The following DENND1A variants were observed in gnomAD, a reference collection of about 807,000 sequenced individuals.
DENND1A encodes the protein DENN domain-containing protein 1A.
In DENND1A, 51 loss-of-function variants were observed where a neutral mutation model predicts 113.7. That is an observed-to-expected ratio of 0.45 (90% CI 0.36 to 0.57). The LOEUF is 0.57. Ranked by LOEUF, DENND1A falls within the 20% of genes least tolerant of loss-of-function variation. The probability of loss-of-function intolerance (pLI) is 0.00; values close to 1 mark genes in which losing one functional copy is unlikely to be tolerated. For missense variants in DENND1A, 1,258 were observed against 1,395.9 expected (o/e 0.90, Z 1.57); for synonymous variants, 565 against 570.8 (o/e 0.99, Z 0.14).
At chr9:123,637,906 A>T (rs933788505) in intron 9 of DENND1A, among the ~76,000 whole-genome samples, 44 of 106,948 alleles carry the variant, frequency 4.1e-4, no homozygotes, top group Non-Finnish European at 3.7e-4. Flanking sequence ...AAAGGGAAGG[A>T]ATAAACACAC....
intron 8 of DENND1A, among the ~76,000 whole-genome samples, chr9:123,655,046 GA>G (rs750559328): frequency 5.2e-4 from 79 of 152,286 alleles, no homozygotes; most frequent in Non-Finnish European, 9.4e-4. Context: ...GAAATACCTG[GA>G]AATTGTAATT....
At chr9:123,875,612 C>T (rs1847337115) in intron 2 of DENND1A, among the ~76,000 whole-genome samples, 1 of 152,214 alleles carries the variant, frequency 6.6e-6, no homozygotes, top group South Asian at 2.1e-4. Flanking sequence ...CTATTCCCCA[C>T]TGACAGCTAT....
chr9:123,596,127 C>T (rs577745155), intron 11 of DENND1A, among the ~76,000 whole-genome samples: 35 of 152,298 alleles, frequency 2.3e-4, no homozygotes, highest in African/African-American at 6.3e-4. Flanking sequence ...AGAGATAGCT[C>T]GCCACGTTAC....
At chr9:123,849,951 T>G (rs1376233540) in intron 2 of DENND1A, among the ~76,000 whole-genome samples, 1 of 152,238 alleles carries the variant, frequency 6.6e-6, no homozygotes, top group Non-Finnish European at 1.5e-5. Context: ...TGCTGCGATC[T>G]CATGATAAAA....
At chr9:123,409,370 A>G (rs1253955665) in intron 20 of DENND1A, among the ~76,000 whole-genome samples, 2 of 151,796 alleles carry the variant, frequency 1.3e-5, no homozygotes, top group Non-Finnish European at 2.9e-5. Flanking sequence ...CCCAAAATCC[A>G]AGACTTTTTG....
chr9:123,808,230 C>CA (rs995177906), intron 2 of DENND1A, among the ~76,000 whole-genome samples: 2 of 151,622 alleles, frequency 1.3e-5, no homozygotes, highest in African/African-American at 4.8e-5. Flanking sequence ...CCGTCTCCAA[C>CA]AAAAAACAAA....
intron 3 of DENND1A, among the ~76,000 whole-genome samples, chr9:123,791,879 G>C (rs1186454549): frequency 6.6e-6 from 1 of 152,114 alleles, no homozygotes. Context: ...AATGTAAGGT[G>C]CCCCAAAAAA....
chr9:123,591,181 T>C (rs1270349256), intron 11 of DENND1A, among the ~76,000 whole-genome samples: 1 of 152,220 alleles, frequency 6.6e-6, no homozygotes, highest in African/African-American at 2.4e-5. Context: ...CTAGAGTTGG[T>C]TGTATGAAAA....
intron 2 of DENND1A, among the ~76,000 whole-genome samples, chr9:123,830,759 G>A (rs562479980): frequency 3.3e-5 from 5 of 151,214 alleles, no homozygotes; most frequent in South Asian, 4.2e-4. Context: ...CCAGCTACTC[G>A]GGAGGCTGAG....
At chr9:123,675,916 A>AC (rs1478880928) in intron 6 of DENND1A, among the ~76,000 whole-genome samples, 1 of 152,212 alleles carries the variant, frequency 6.6e-6, no homozygotes, top group African/African-American at 2.4e-5. Flanking sequence ...AAAATGCTTT[A>AC]CCCTCATAGA....
intron 2 of DENND1A, among the ~76,000 whole-genome samples, chr9:123,877,419 G>A (rs1243165896): frequency 2.0e-5 from 3 of 152,010 alleles, no homozygotes; most frequent in African/African-American, 4.8e-5. Context: ...AATCCAGGAG[G>A]CGGAGGTTGC....
intron 5 of DENND1A, among the ~76,000 whole-genome samples, chr9:123,681,396 G>A (rs1215763484): frequency 6.6e-6 from 1 of 152,026 alleles, no homozygotes; most frequent in East Asian, 1.9e-4. Context: ...GGAAGGGGCA[G>A]CAGCAGCTCT....
intron 19 of DENND1A, among the ~76,000 whole-genome samples, chr9:123,421,641 C>A (rs540298765): frequency 6.6e-6 from 1 of 152,304 alleles, no homozygotes; most frequent in African/African-American, 2.4e-5. Flanking sequence ...CTCAGCAAAA[C>A]CAGGCTCATT....
chr9:123,532,505 T>C (rs1168869289), intron 13 of DENND1A, among the ~76,000 whole-genome samples: 1 of 152,220 alleles, frequency 6.6e-6, no homozygotes, highest in Non-Finnish European at 1.5e-5. Flanking sequence ...TGTCCCTCAA[T>C]TCAGGTCAAA....
intron 10 of DENND1A, among the ~76,000 whole-genome samples, chr9:123,625,627 C>A (rs1464253838): frequency 6.6e-6 from 1 of 152,168 alleles, no homozygotes; most frequent in Non-Finnish European, 1.5e-5. Flanking sequence ...ACCTGTGATT[C>A]CAGCTACTAG....
At chr9:123,853,007 C>A (rs985901528) in intron 2 of DENND1A, among the ~76,000 whole-genome samples, 1 of 151,932 alleles carries the variant, frequency 6.6e-6, no homozygotes, top group Non-Finnish European at 1.5e-5. Context: ...CAACCTCCAC[C>A]GCCTGGGTTA....
chr9:123,447,767 G>T (rs917792771), intron 18 of DENND1A, among the ~76,000 whole-genome samples: 7 of 151,510 alleles, frequency 4.6e-5, no homozygotes, highest in Admixed American at 4.6e-4. Flanking sequence ...CAGATAAAGG[G>T]GAGGAGGGAA....
rs146676727 is a variant in DENND1A, at chr9:123,410,028, C to A, written c.1542+1748G>T. On this transcript the variant is annotated intron_variant, in intron 20 of 23. Transcript: ENST00000394215. Reference sequence around the variant, plus strand: ...AATGGTGTGAATCCAGGAGGCGGAGCCTGCAGTGAGCTGAGATTGCACCAC... The same window carrying A: ...AATGGTGTGAATCCAGGAGGCGGAGACTGCAGTGAGCTGAGATTGCACCAC... Among the ~76,000 whole-genome samples, 4 of 152,262 alleles carry A rather than the reference C, an allele frequency of 2.6e-5. No individual in the cohort carries two copies. In the East Asian group the frequency reaches 5.8e-4, roughly 22 times the overall value.
intron 4 of DENND1A, chr9:123,759,611 CAGA>C (rs1564212725): frequency 6.6e-6 from 1 of 152,142 alleles, no homozygotes; most frequent in African/African-American, 2.4e-5. Flanking sequence ...TTTTAGTAGA[CAGA>C]AGGTTTTGCC....
Sources: gnomAD v4.1 joint callset for allele counts (sites outside exome capture counted in the v4.1 genomes callset) on GRCh38, gnomAD v4.1.1 for gene constraint, MANE v1.5 for transcripts, NCBI Gene and HGNC (gene_info 2026-07-23, HGNC 2026-07-21) for gene names.